The following CCDC81 variants were observed in gnomAD, a reference collection of about 807,000 sequenced individuals.
The protein encoded by CCDC81 is coiled-coil domain containing 81.
Under a neutral mutation model 83.7 loss-of-function variants are expected in CCDC81, and 79 were observed. The ratio of observed to expected loss-of-function variants is 0.94; its 90% CI spans 0.79 to 1.14. The LOEUF is 1.14. Among genes scored for constraint, CCDC81 ranks in the 50% most tolerant of loss-of-function variants. The pLI is 0.00. For missense variants in CCDC81, 791 were observed against 778.1 expected (o/e 1.02, Z -0.20); for synonymous variants, 252 against 278.1 (o/e 0.91, Z 0.93).
rs527891787 is a variant in CCDC81, at chr11:86,419,850, C to T, written c.1692-78C>T. On this transcript the variant is annotated intron_variant, in intron 13 of 14. Transcript: ENST00000445632. ...AAACCAGAAGGTTTTTTTTGTTTAA[C>T]ATAAAAGGAATGGGGCTCCCAAATT... 22 of 1,469,496 alleles carry T rather than the reference C, an allele frequency of 1.5e-5. No homozygotes were observed. The African/African-American group carries it at 2.4e-4, about 16-fold the overall frequency. 91.0% of individuals were successfully genotyped at this position (1,469,496 alleles called of 1,614,324 possible).
intron 14 of CCDC81, among the ~76,000 whole-genome samples, chr11:86,421,539 T>C (rs1279716844): frequency 6.6e-6 from 1 of 152,222 alleles, no homozygotes; most frequent in Non-Finnish European, 1.5e-5. Flanking sequence ...CTTGATCTCC[T>C]GACCTCGCAA....
chr11:86,415,446 A>G (rs1948706051), intron 13 of CCDC81, 133 bp downstream of exon 13: 2 of 674,388 alleles, frequency 3.0e-6, no homozygotes, highest in Non-Finnish European at 2.5e-6. Context: ...AATAGCTAAC[A>G]CACTGAGGAG....
At chr11:86,397,545 CT>C in intron 5 of CCDC81, 75 bp from the exon 6 acceptor site, 1 of 1,520,324 alleles carries the variant, frequency 6.6e-7, no homozygotes, top group Middle Eastern at 1.8e-4. Flanking sequence ...GGCTGGGTTG[CT>C]TCCAAAACTT....
Position 86,408,180 on chromosome 11 carries a change from C to G in CCDC81, c.1023C>G (p.Tyr341Ter). ...CACAACGAAATTCCCTGTTGTACTA[C>G]AGTGAGGAAAGGAGGAGAGAGATAG... ...QRAQRNSLLY[Y>*]SEERRREIED... The change falls in exon 9 of 15, where the codon TAC becomes TAG. Residue 341 changes from tyrosine to a stop codon, truncating the protein, a stop_gained. Transcript: ENST00000445632. LOFTEE classifies it high-confidence loss of function. The G allele has an allele frequency of 6.2e-7, 1 of 1,613,920 alleles. No homozygotes were observed. Among genetic ancestry groups the G allele is most frequent in the South Asian group, 1.1e-5 (1 of 91,058 alleles).
chr11:86,399,818 G>T (rs571992183), intron 6 of CCDC81, among the ~76,000 whole-genome samples: 5 of 151,944 alleles, frequency 3.3e-5, no homozygotes, highest in Admixed American at 1.3e-4. Context: ...GAACATATCA[G>T]ATCCTTAAAG....
At chr11:86,394,285 C>A (rs908544105) in intron 4 of CCDC81, among the ~76,000 whole-genome samples, 9 of 152,142 alleles carry the variant, frequency 5.9e-5, no homozygotes, top group African/African-American at 2.2e-4. Context: ...AGAACGTTTT[C>A]CAAAAGAACT....
At chr11:86,397,784 G>A in intron 6 of CCDC81, 42 bp downstream of exon 6, 2 of 1,590,154 alleles carry the variant, frequency 1.3e-6, no homozygotes, top group Non-Finnish European at 1.7e-6. Context: ...ACTCTTTACT[G>A]CTATGAGCCC....
At chr11:86,415,669 G>GTCTT (rs903727288) in intron 13 of CCDC81, among the ~76,000 whole-genome samples, 2 of 152,072 alleles carry the variant, frequency 1.3e-5, no homozygotes, top group African/African-American at 4.8e-5. Context: ...GGTGTAATCA[G>GTCTT]TCTTTATTTT....
chr11:86,383,403 A>G (rs1197986365), intron 1 of CCDC81, among the ~76,000 whole-genome samples: 1 of 152,220 alleles, frequency 6.6e-6, no homozygotes, highest in Non-Finnish European at 1.5e-5. Flanking sequence ...AGCATATAGT[A>G]TTGTATAATT....
At chr11:86,408,361 C>G in intron 9 of CCDC81, 91 bp downstream of exon 9, 7 of 1,204,542 alleles carry the variant, frequency 5.8e-6, no homozygotes, top group Non-Finnish European at 7.8e-6. Context: ...GGCGCAGGGT[C>G]TCACTCTGTC....
At chr11:86,410,068 G>A (rs1437521683) in intron 10 of CCDC81, among the ~76,000 whole-genome samples, 1 of 152,162 alleles carries the variant, frequency 6.6e-6, no homozygotes, top group Non-Finnish European at 1.5e-5. Flanking sequence ...CATCTATGGT[G>A]GAATAACATC....
intron 6 of CCDC81, among the ~76,000 whole-genome samples, chr11:86,399,006 T>C (rs377561495): frequency 9.2e-5 from 14 of 152,350 alleles, no homozygotes; most frequent in Admixed American, 4.6e-4. Flanking sequence ...CTAATTTTTC[T>C]AATTTTACTA....
chr11:86,377,645 T>A (rs167109), intron 1 of CCDC81, among the ~76,000 whole-genome samples: 50,073 of 151,970 alleles, frequency 0.33, 9,563 homozygotes, highest in African/African-American at 0.54. Context: ...TTCTTTTCTT[T>A]GTGTTTTTAA....
In CCDC81 at chr11:86,386,123, T is replaced by C. The variant is rs1219514831; in HGVS notation, c.141+11T>C. The C allele has an allele frequency of 1.1e-6, 1 of 886,824 alleles. No individual in the cohort carries two copies. Among genetic ancestry groups the C allele is most frequent in the Non-Finnish European group, 1.5e-6 (1 of 648,904 alleles). The allele number at this position is 886,824 out of a possible 1,614,324, so 54.9% of individuals were successfully genotyped here. Reference sequence around the variant, plus strand: ...TTAACCCTGCACAAGGTAAGATTTATTAATTTATTAATTTATTAATAAATT... The same window carrying C: ...TTAACCCTGCACAAGGTAAGATTTACTAATTTATTAATTTATTAATAAATT... On this transcript the variant is annotated intron_variant, in intron 2 of 14. Transcript: ENST00000445632.
intron 3 of CCDC81, among the ~76,000 whole-genome samples, chr11:86,390,579 G>C (rs1948314182): frequency 1.3e-5 from 2 of 152,176 alleles, no homozygotes; most frequent in African/African-American, 4.8e-5. Flanking sequence ...GTAAAATGCA[G>C]TAAAAGCCTG....
intron 7 of CCDC81, among the ~76,000 whole-genome samples, chr11:86,406,347 AT>A (rs1039209031): frequency 2.6e-5 from 4 of 151,934 alleles, no homozygotes; most frequent in Non-Finnish European, 1.5e-5. Context: ...TTATTTCTTG[AT>A]GTTCTGCATG....
At chr11:86,382,849 T>C (rs1948192811) in intron 1 of CCDC81, among the ~76,000 whole-genome samples, 1 of 152,016 alleles carries the variant, frequency 6.6e-6, no homozygotes, top group Non-Finnish European at 1.5e-5. Flanking sequence ...GAGAGGTGCT[T>C]AAACGGGGAG....
chr11:86,417,329 T>C (rs1400928239), intron 13 of CCDC81, among the ~76,000 whole-genome samples: 1 of 152,030 alleles, frequency 6.6e-6, no homozygotes, highest in Non-Finnish European at 1.5e-5. Flanking sequence ...AAATTTTTTT[T>C]GTAAAAAATA....
intron 1 of CCDC81, among the ~76,000 whole-genome samples, chr11:86,384,554 A>G (rs1189168034): frequency 1.3e-5 from 2 of 152,234 alleles, no homozygotes; most frequent in Non-Finnish European, 2.9e-5. Flanking sequence ...AAAAATATTT[A>G]TAACTCTGAT....
Sources: gnomAD v4.1 joint callset for allele counts (sites outside exome capture counted in the v4.1 genomes callset) on GRCh38, gnomAD v4.1.1 for gene constraint, MANE v1.5 for transcripts, NCBI Gene and HGNC (gene_info 2026-07-23, HGNC 2026-07-21) for gene names.